The following SLC4A4 variants were observed in gnomAD, a reference collection of about 807,000 sequenced individuals.
SLC4A4 encodes solute carrier family 4 member 4, also known as electrogenic sodium bicarbonate cotransporter 1.
SLC4A4 carries 27 observed loss-of-function variants against 111.5 expected under a neutral mutation model. The observed-to-expected ratio is 0.24, with a 90% CI of 0.18 to 0.33. The LOEUF is 0.33. Among genes scored for constraint, SLC4A4 ranks in the 10% least tolerant of loss-of-function variants. The pLI is 1.00. For missense variants in SLC4A4, 909 were observed against 1,315.5 expected, an observed-to-expected ratio of 0.69 and a Z score of 4.78; for synonymous variants, 443 against 463.4, an observed-to-expected ratio of 0.96 and a Z score of 0.57.
At chr4:71,110,246 ACT>A in intron 2 of SLC4A4, among the ~76,000 whole-genome samples, 1 of 152,002 alleles carries the variant, frequency 6.6e-6, no homozygotes, top group East Asian at 1.9e-4. Flanking sequence ...ACAGGGTCTC[ACT>A]CTGCTGCCCA....
intron 7 of SLC4A4, among the ~76,000 whole-genome samples, chr4:71,420,499 C>T (rs979813216): frequency 6.6e-6 from 1 of 151,954 alleles, no homozygotes; most frequent in Non-Finnish European, 1.5e-5. Flanking sequence ...CACAAAGATA[C>T]TCCTCGAGAA....
At chr4:71,179,569 A>C (rs1023204028) in intron 2 of SLC4A4, among the ~76,000 whole-genome samples, 3 of 152,084 alleles carry the variant, frequency 2.0e-5, no homozygotes, top group African/African-American at 7.3e-5. Flanking sequence ...TAACAGACAG[A>C]GAGCCAAATC....
Position 71,079,985 on chromosome 4 carries a change from C to T in SLC4A4, c.-64-12745C>T, listed in dbSNP as rs527641780. ...AATGCGGGCAAGCAGTTCTCCTGCC[C>T]GTGTGCTGCCAGCAACACCCCTCTC... On this transcript the variant is annotated intron_variant, in intron 1 of 26. Coordinates refer to the SLC4A4 transcript ENST00000649996. Among the ~76,000 whole-genome samples, 164 of 152,024 alleles carry T rather than the reference C, an allele frequency of 1.1e-3. 4 individuals are homozygous for T. Among genetic ancestry groups the T allele is most frequent in the African/African-American group, 3.3e-3 (138 of 41,364 alleles).
chr4:71,187,477 C>G (rs1745525632), intron 1 of SLC4A4, 76 bp downstream of exon 1: 1 of 152,384 alleles, frequency 6.6e-6, no homozygotes, highest in South Asian at 2.1e-4. Context: ...GGCGCGGGCC[C>G]GGGGGCCGAT....
chr4:71,305,775 C>T (rs1560395110), intron 3 of SLC4A4, among the ~76,000 whole-genome samples: 3 of 152,184 alleles, frequency 2.0e-5, no homozygotes, highest in African/African-American at 7.2e-5. Context: ...GGAGCTAACA[C>T]GTGGCGTCTA....
chr4:71,331,568 CTG>C (rs1224386151), intron 3 of SLC4A4, among the ~76,000 whole-genome samples: 2 of 111,898 alleles, frequency 1.8e-5, no homozygotes, highest in African/African-American at 7.1e-5. Flanking sequence ...ACATCACACA[CTG>C]GGGCCTGTTG....
At chr4:71,174,764 AC>A (rs1409355682) in intron 2 of SLC4A4, among the ~76,000 whole-genome samples, 1 of 152,184 alleles carries the variant, frequency 6.6e-6, no homozygotes, top group African/African-American at 2.4e-5. Flanking sequence ...TGTTTTTGAG[AC>A]AGGGTCTTGT....
At chr4:71,468,672 T>C (rs1727601711) in intron 13 of SLC4A4, among the ~76,000 whole-genome samples, 1 of 151,892 alleles carries the variant, frequency 6.6e-6, no homozygotes, top group African/African-American at 2.4e-5. Context: ...TACAAAATAT[T>C]TGGGTAGATC....
chr4:71,547,865 C>A, intron 20 of SLC4A4, 145 bp downstream of exon 20: 1 of 724,934 alleles, frequency 1.4e-6, no homozygotes. Context: ...AGAAAGAGAG[C>A]TTTAAATAGC....
chr4:71,327,002 T>C (rs1045509453), intron 3 of SLC4A4, among the ~76,000 whole-genome samples: 4 of 152,020 alleles, frequency 2.6e-5, no homozygotes, highest in Non-Finnish European at 5.9e-5. Flanking sequence ...TTGTACCAGA[T>C]TGTGGACTCT....
chr4:71,403,059 G>T (rs1196412256), intron 7 of SLC4A4, among the ~76,000 whole-genome samples: 1 of 152,108 alleles, frequency 6.6e-6, no homozygotes, highest in African/African-American at 2.4e-5. Context: ...TATTAATGTT[G>T]TACATTCTTA....
intron 7 of SLC4A4, among the ~76,000 whole-genome samples, chr4:71,425,509 A>G (rs1354066689): frequency 2.0e-5 from 3 of 152,152 alleles, no homozygotes; most frequent in Admixed American, 6.6e-5. Context: ...TCAATTTATA[A>G]GTTTATTTTG....
At chr4:71,157,305 T>G (rs1744504351) in intron 2 of SLC4A4, among the ~76,000 whole-genome samples, 1 of 152,160 alleles carries the variant, frequency 6.6e-6, no homozygotes, top group Non-Finnish European at 1.5e-5. Flanking sequence ...AGAAATCAAC[T>G]ATCAGAATAA....
intron 3 of SLC4A4, among the ~76,000 whole-genome samples, chr4:71,331,333 A>G (rs1298325761): frequency 6.6e-6 from 1 of 152,228 alleles, no homozygotes; most frequent in Non-Finnish European, 1.5e-5. Flanking sequence ...AACCAACCCA[A>G]ATGTCCATGA....
chr4:71,482,611 C>T (rs1008860725), intron 14 of SLC4A4, among the ~76,000 whole-genome samples: 1 of 151,568 alleles, frequency 6.6e-6, no homozygotes, highest in Non-Finnish European at 1.5e-5. Flanking sequence ...GACCTTCAAA[C>T]TCTCGTGACA....
intron 2 of SLC4A4, among the ~76,000 whole-genome samples, chr4:71,168,468 C>A (rs888105614): frequency 6.6e-6 from 1 of 152,076 alleles, no homozygotes; most frequent in African/African-American, 2.4e-5. Context: ...CAGGCGTGAG[C>A]CACTGCTTCT....
intron 16 of SLC4A4, among the ~76,000 whole-genome samples, chr4:71,509,822 A>C (rs2149172523): frequency 6.6e-6 from 1 of 152,166 alleles, no homozygotes; most frequent in East Asian, 1.9e-4. Flanking sequence ...ATGGGTTCTT[A>C]GTTGTACTGT....
chr4:71,117,507 TTA>T (rs1743300804), intron 2 of SLC4A4, among the ~76,000 whole-genome samples: 1 of 152,188 alleles, frequency 6.6e-6, no homozygotes, highest in Non-Finnish European at 1.5e-5. Context: ...GTGCTATTTT[TTA>T]TAGAGGTTTA....
chr4:71,124,129 T>A (rs576337837), intron 2 of SLC4A4, among the ~76,000 whole-genome samples: 106 of 151,508 alleles, frequency 7.0e-4, no homozygotes, highest in Non-Finnish European at 1.2e-3. Flanking sequence ...GTATATGAAA[T>A]AACCACAGAA....
Sources: gnomAD v4.1 joint callset for allele counts (sites outside exome capture counted in the v4.1 genomes callset) on GRCh38, gnomAD v4.1.1 for gene constraint, MANE v1.5 for transcripts, NCBI Gene and HGNC (gene_info 2026-07-23, HGNC 2026-07-21) for gene names.